Variants in MACF1 observed in about 807,000 individuals in gnomAD.
MACF1 encodes the protein microtubule actin crosslinking factor 1.
Under a neutral mutation model 854.8 loss-of-function variants are expected in MACF1, and 193 were observed. The ratio of observed to expected loss-of-function variants is 0.23; its 90% CI spans 0.20 to 0.25. MACF1 has a LOEUF of 0.25. Among genes scored for constraint, MACF1 ranks in the 10% least tolerant of loss-of-function variants. The probability of loss-of-function intolerance (pLI) is 1.00; values close to 1 mark genes in which losing one functional copy is unlikely to be tolerated. For missense variants in MACF1, 7,722 were observed against 8,929.1 expected (o/e 0.86, Z 5.45); for synonymous variants, 3,185 against 3,226.7 (o/e 0.99, Z 0.44).
chr1:39,404,248 G>A (rs1348589154), intron 58 of MACF1, among the ~76,000 whole-genome samples: 1 of 151,500 alleles, frequency 6.6e-6, no homozygotes, highest in African/African-American at 2.4e-5. Context: ...AAGCCCAGTT[G>A]GGAGGCTTAG....
At chr1:39,482,025 C>A (rs1444259080) in intron 99 of MACF1, among the ~76,000 whole-genome samples, 1 of 152,204 alleles carries the variant, frequency 6.6e-6, no homozygotes. Flanking sequence ...GCTCCAGTTT[C>A]ATAAAAATCT....
At chr1:39,220,382 A>G (rs1424829835) in intron 1 of MACF1, among the ~76,000 whole-genome samples, 5 of 150,996 alleles carry the variant, frequency 3.3e-5, no homozygotes, top group Admixed American at 2.6e-4. Context: ...CATATTGGCC[A>G]GGCTGGTCTC....
chr1:39,187,676 C>T (rs1339499962), intron 2 of MACF1, among the ~76,000 whole-genome samples: 8 of 152,056 alleles, frequency 5.3e-5, no homozygotes, highest in Admixed American at 5.2e-4. Flanking sequence ...GTATAGAGTT[C>T]TAGGTTGCAA....
At chr1:39,420,546 C>T (rs74066796) in intron 58 of MACF1, among the ~76,000 whole-genome samples, 10,260 of 152,086 alleles carry the variant, frequency 0.067, 896 homozygotes, top group African/African-American at 0.21. Flanking sequence ...AAATGAAGTG[C>T]ACTCATAATT....
chr1:39,366,771 T>C (rs1648750654), intron 49 of MACF1, among the ~76,000 whole-genome samples: 1 of 151,430 alleles, frequency 6.6e-6, no homozygotes, highest in African/African-American at 2.4e-5. Flanking sequence ...CTCGGCTCAC[T>C]GCAACCTCCG....
chr1:39,309,659 A>G lies in MACF1; in HGVS notation c.2879A>G (p.Lys960Arg), dbSNP rs1164441561. 6.2e-7 allele frequency: 1 copy of G among 1,614,152 alleles called. No homozygotes were observed. Among genetic ancestry groups the G allele is most frequent in the Non-Finnish European group, 8.5e-7 (1 of 1,179,992 alleles). The change falls in exon 24 of 101, where the codon AAA (lysine) becomes AGA (arginine). Residue 960 changes from lysine (K) to arginine (R), a missense_variant. Physicochemically the swap from Lys to Arg is conservative, Grantham distance 26 (BLOSUM62 2). Transcript: ENST00000564288. ...CTTATCTCTTGGAACTATCTGCGTA[A>G]AGACCTTGACCTTGTACAGACCTGG... ...KSLISWNYLR[K>R]DLDLVQTWNL...
intron 2 of MACF1, among the ~76,000 whole-genome samples, chr1:39,127,080 G>A (rs1250389791): frequency 6.6e-6 from 1 of 151,994 alleles, no homozygotes; most frequent in Non-Finnish European, 1.5e-5. Flanking sequence ...AGAGTAGCTG[G>A]GCATGGTAGT....
Position 39,335,623 on chromosome 1 carries a change from A to T in MACF1, c.9035A>T (p.His3012Leu). Residue 3012 changes from histidine to leucine, a missense_variant, in exon 37 of 101, where the codon CAT (histidine) becomes CTT (leucine). Coordinates refer to ENST00000564288, the MANE Select transcript of MACF1 (RefSeq NM_001394062.1). ...ETAIRDEHDS[H>L]IKSQPREMTS... Reference sequence around the variant, plus strand: ...GCCATTAGAGATGAGCATGACTCCCATATAAAGAGCCAACCTAGGGAAATG... The same window carrying T: ...GCCATTAGAGATGAGCATGACTCCCTTATAAAGAGCCAACCTAGGGAAATG... 2 of 1,614,190 alleles carry T rather than the reference A, an allele frequency of 1.2e-6. No individual in the cohort carries two copies. The highest frequency in any genetic ancestry group is 1.7e-6 in the Non-Finnish European group (2 of 1,180,022).
At chr1:39,383,063 A>G (rs1650386281) in intron 56 of MACF1, among the ~76,000 whole-genome samples, 2 of 152,190 alleles carry the variant, frequency 1.3e-5, no homozygotes, top group Non-Finnish European at 2.9e-5. Context: ...GAAGGTTGCC[A>G]TGAGCCAAGA....
At chr1:39,212,412 T>C (rs1205163237) in intron 1 of MACF1, among the ~76,000 whole-genome samples, 1 of 152,138 alleles carries the variant, frequency 6.6e-6, no homozygotes, top group Non-Finnish European at 1.5e-5. Flanking sequence ...GACTCTACCC[T>C]ACTTTTCTCA....
chr1:39,458,626 T>G, intron 90 of MACF1, 136 bp downstream of exon 90: 1 of 1,130,640 alleles, frequency 8.8e-7, no homozygotes, highest in Non-Finnish European at 1.2e-6. Flanking sequence ...CTCTCATTTT[T>G]GAAACTCACT....
Position 39,193,550 on chromosome 1 carries a change from TTTAATGCTTTTTAAATAG to T in MACF1, c.221-37622_221-37605del, listed in dbSNP as rs1644281911. Among the ~76,000 whole-genome samples the T allele has an allele frequency of 2.0e-5, 3 of 152,244 alleles. No homozygotes were observed. The South Asian group carries it at 6.2e-4, about 31-fold the overall frequency. ...AAGAGTTGGCATTAATGAGTCAATG[TTTAATGCTTTTTAAATAG>T]TTAATGCTTACTGTGTGCCAAATAT... On this transcript the variant is annotated intron_variant, in intron 2 of 93. Coordinates refer to the MACF1 transcript ENST00000361689.
Position 39,335,338 on chromosome 1 carries a change from T to C in MACF1, c.8750T>C (p.Ile2917Thr). The C allele has an allele frequency of 6.2e-7, 1 of 1,613,778 alleles. No individual in the cohort carries two copies. ...NEEQEKAVTK[I>T]EIISHMKQST... ...GAGCAGGAAAAAGCAGTGACAAAAA[T>C]AGAAATTATTTCTCATATGAAGCAG... is the stretch of plus-strand genomic sequence containing the variant. The change falls in exon 37 of 101, where the codon ATA (isoleucine) becomes ACA (threonine). Residue 2917 changes from isoleucine to threonine, a missense_variant. Physicochemically the swap from Ile to Thr is moderately conservative, Grantham distance 89. Transcript: ENST00000564288.
At chr1:39,256,838 T>A (rs546341909) in intron 5 of MACF1, among the ~76,000 whole-genome samples, 1 of 147,592 alleles carries the variant, frequency 6.8e-6, no homozygotes, top group East Asian at 2.0e-4. Flanking sequence ...GGCCAAAGAC[T>A]GGTGAGGGAA....
chr1:39,427,397 A>G, intron 61 of MACF1, 58 bp from the exon 62 acceptor site: 1 of 1,461,942 alleles, frequency 6.8e-7, no homozygotes, highest in Admixed American at 1.8e-5. Flanking sequence ...GTATAGTACT[A>G]TTACCAGTTT....
At chr1:39,125,324 T>G in intron 2 of MACF1, among the ~76,000 whole-genome samples, 1 of 152,348 alleles carries the variant, frequency 6.6e-6, no homozygotes, top group East Asian at 1.9e-4. Context: ...AGCCACTTCC[T>G]GGCTATATGA....
At chr1:39,373,624 G>A (rs1649447772) in intron 52 of MACF1, among the ~76,000 whole-genome samples, 1 of 150,234 alleles carries the variant, frequency 6.7e-6, no homozygotes, top group Admixed American at 6.6e-5. Flanking sequence ...AGGCCTAGGT[G>A]GGCTGATCAC....
intron 99 of MACF1, among the ~76,000 whole-genome samples, chr1:39,482,434 A>G (rs1277018386): frequency 1.3e-5 from 2 of 152,224 alleles, no homozygotes; most frequent in Non-Finnish European, 2.9e-5. Flanking sequence ...CTGGAAAACA[A>G]TTTACATAAT....
In MACF1 at chr1:39,388,386, G is replaced by A; in HGVS notation, c.15544G>A (p.Glu5182Lys). 1 of 1,614,192 alleles carries A rather than the reference G, an allele frequency of 6.2e-7. No individual in the cohort carries two copies. The highest frequency in any genetic ancestry group is 8.5e-7 in the Non-Finnish European group (1 of 1,180,024). ...LKLDIEASEA[E>K]CRHMLEEEGT... is the part of the protein sequence containing the mutation. ...ATTAGACATAGAGGCCTCTGAAGCA[G>A]AGTGTCGACATATGCTAGAAGAAGA... Residue 5182 changes from glutamate to lysine, a missense_variant, in exon 58 of 101, where the codon GAG becomes AAG. Transcript: ENST00000564288.
Sources: gnomAD v4.1 joint callset for allele counts (sites outside exome capture counted in the v4.1 genomes callset) on GRCh38, gnomAD v4.1.1 for gene constraint, MANE v1.5 for transcripts, NCBI Gene and HGNC (gene_info 2026-07-23, HGNC 2026-07-21) for gene names.